The following SLC25A30 variants were observed in gnomAD, a reference collection of about 807,000 sequenced individuals.
The protein encoded by SLC25A30 is kidney mitochondrial carrier protein 1.
SLC25A30 carries 29 observed loss-of-function variants against 42.7 expected under a neutral mutation model. That is an observed-to-expected ratio of 0.68 (90% CI 0.51 to 0.93). The LOEUF is 0.93. Among genes scored for constraint, SLC25A30 ranks in the 40% least tolerant of loss-of-function variants. The pLI is 0.00. For missense variants in SLC25A30, 300 were observed against 359.7 expected (o/e 0.83, Z 1.34); for synonymous variants, 124 against 131.0 (o/e 0.95, Z 0.37).
intron 9 of SLC25A30, 53 bp from the exon 10 acceptor site, chr13:45,396,068 T>G (rs1881289021): frequency 1.2e-6 from 2 of 1,614,014 alleles, no homozygotes; most frequent in Non-Finnish European, 1.7e-6. Context: ...ACAACTCCAG[T>G]GCATAACAAC....
chr13:45,424,416 T>A, the SLC25A30 span, among the ~76,000 whole-genome samples: 4 of 60,830 alleles, frequency 6.6e-5, no homozygotes, highest in African/African-American at 2.6e-4. Context: ...AAAATATATA[T>A]AAATATATGA....
rs750163094 is a variant in SLC25A30 at position 45,394,993 on chromosome 13, T to G, written c.*981A>C. The G allele has an allele frequency of 4.5e-5, 44 of 985,294 alleles. No homozygotes were observed. Among genetic ancestry groups the G allele is most frequent in the Non-Finnish European group, 5.1e-5 (42 of 829,946 alleles). 61.0% of individuals were successfully genotyped at this position (985,294 alleles called of 1,614,324 possible). Reference sequence around the variant, plus strand: ...CAGTGTTCTTTCTTCAACAAGACCTTAACAAAGGGCTTCATTCACAATTAC... The same window carrying G: ...CAGTGTTCTTTCTTCAACAAGACCTGAACAAAGGGCTTCATTCACAATTAC... On this transcript the variant is annotated 3_prime_UTR_variant, in exon 10 of 10. Coordinates refer to ENST00000519676, the MANE Select transcript of SLC25A30 (RefSeq NM_001010875.4).
upstream of SLC25A30, among the ~76,000 whole-genome samples, chr13:45,423,064 G>C (rs1883928802): frequency 6.6e-6 from 1 of 152,048 alleles, no homozygotes; most frequent in Admixed American, 6.6e-5. Context: ...AAGCTCGTTG[G>C]GGTAGGGACC....
chr13:45,394,747 A>G lies in SLC25A30; in HGVS notation c.*1227T>C. 1 of 985,286 alleles carries G rather than the reference A, an allele frequency of 1.0e-6. No homozygotes were observed. Among genetic ancestry groups the G allele is most frequent in the Non-Finnish European group, 1.2e-6 (1 of 829,792 alleles). 61.0% of individuals were successfully genotyped at this position (985,286 alleles called of 1,614,324 possible). A position where few individuals can be genotyped will look rare whatever the true frequency, so the allele number is the denominator to read the frequency against. On this transcript the variant is annotated 3_prime_UTR_variant, in exon 10 of 10. Transcript: ENST00000519676. ...TATTGTGTCTACAGAAGGAAAGAAA[A>G]AGGGAAAATATTACATACCACCTAT...
chr13:45,427,560 A>G, the SLC25A30 span, among the ~76,000 whole-genome samples: 1 of 152,102 alleles, frequency 6.6e-6, no homozygotes, highest in Non-Finnish European at 1.5e-5. Flanking sequence ...CTTTCACTCA[A>G]GAAGAGGATA....
At chr13:45,397,377 T>A in intron 8 of SLC25A30, 39 bp from the exon 9 acceptor site, 1 of 1,432,998 alleles carries the variant, frequency 7.0e-7, no homozygotes, top group Non-Finnish European at 9.8e-7. Flanking sequence ...TCCAACTTTC[T>A]AATTATGCCA....
At chr13:45,423,739 T>A in the SLC25A30 span, among the ~76,000 whole-genome samples, 75 of 954 alleles carry the variant, frequency 0.079, 7 homozygotes, top group Admixed American at 0.11. Context: ...TAAATATATA[T>A]AAATATATAA....
chr13:45,426,635 A>G, the SLC25A30 span, among the ~76,000 whole-genome samples: 1,573 of 152,218 alleles, frequency 0.01, 37 homozygotes, highest in African/African-American at 0.035. Context: ...GGCACAGCCT[A>G]TAACAGCCAT....
chr13:45,427,767 A>T, the SLC25A30 span, among the ~76,000 whole-genome samples: 27 of 49,142 alleles, frequency 5.5e-4, no homozygotes, highest in African/African-American at 1.8e-3. Flanking sequence ...TCTTTTTGAG[A>T]CAGATCTCAT....
At chr13:45,426,200 C>G in the SLC25A30 span, among the ~76,000 whole-genome samples, 1 of 152,000 alleles carries the variant, frequency 6.6e-6, no homozygotes, top group Non-Finnish European at 1.5e-5. Context: ...AATTCTCCTG[C>G]CTCAGCCTCC....
At chr13:45,424,654 TAAATATATAG>T in the SLC25A30 span, among the ~76,000 whole-genome samples, 2 of 67,754 alleles carry the variant, frequency 3.0e-5, no homozygotes, top group East Asian at 3.6e-4. Flanking sequence ...TAAATATATA[TAAATATATAG>T]AAATATATAT....
intron 2 of SLC25A30, 89 bp downstream of exon 2, chr13:45,411,270 TTCA>T (rs1882998631): frequency 9.9e-7 from 1 of 1,012,760 alleles, no homozygotes; most frequent in Middle Eastern, 2.0e-4. Flanking sequence ...AGACAAACAT[TTCA>T]TCATCTCACA....
chr13:45,412,402 C>G (rs1566213052), intron 1 of SLC25A30, among the ~76,000 whole-genome samples: 1 of 152,164 alleles, frequency 6.6e-6, no homozygotes, highest in Admixed American at 6.6e-5. Flanking sequence ...CCACCACAGG[C>G]TACTTGTAGT....
the SLC25A30 span, among the ~76,000 whole-genome samples, chr13:45,426,701 C>T: frequency 5.9e-5 from 9 of 152,088 alleles, no homozygotes; most frequent in South Asian, 2.1e-4. Flanking sequence ...ACAGCCTTAG[C>T]GGACACTCTT....
chr13:45,426,522 C>T, the SLC25A30 span, among the ~76,000 whole-genome samples: 31 of 152,286 alleles, frequency 2.0e-4, no homozygotes, highest in African/African-American at 6.3e-4. Context: ...CTGATCCCTA[C>T]GTGAACCTTT....
At chr13:45,402,443 GAC>G in intron 5 of SLC25A30, 73 bp from the exon 6 acceptor site, 4 of 1,192,836 alleles carry the variant, frequency 3.4e-6, no homozygotes, top group Non-Finnish European at 3.7e-6. Context: ...GTATACCTCT[GAC>G]AGTCAGTCCG....
Position 45,405,883 on chromosome 13 carries a change from C to G in SLC25A30, c.307G>C (p.Asp103His). Residue 103 changes from aspartate (D) to histidine (H), a missense_variant and splice_region_variant, in exon 4 of 10, where the codon GAT becomes CAT. Asp to His is a moderately conservative substitution (Grantham distance 81). Coordinates refer to ENST00000519676, the MANE Select transcript of SLC25A30 (RefSeq NM_001010875.4). The stretch of plus-strand genomic sequence containing the variant: ...AGTGGAAAACAGATTCCCCACTCAC[C>G]TTCTGGGCGTTCAATGAATAGTCGC... ...LKRLFIERPE[D>H]ETLPINVICG... 6 of 1,614,080 alleles carry G rather than the reference C, an allele frequency of 3.7e-6. No homozygotes were observed. Among genetic ancestry groups the G allele is most frequent in the Non-Finnish European group, 5.1e-6 (6 of 1,179,934 alleles).
chr13:45,402,059 C>CAAAA (rs66565783), intron 6 of SLC25A30, among the ~76,000 whole-genome samples: 18 of 83,838 alleles, frequency 2.1e-4, no homozygotes, highest in Admixed American at 4.6e-4. Context: ...GACTCCATCT[C>CAAAA]AAAAAAAAAA....
the SLC25A30 span, among the ~76,000 whole-genome samples, chr13:45,424,935 TATTTAAATAAATATATAAATAA>T: frequency 3.2e-5 from 2 of 61,606 alleles, no homozygotes; most frequent in East Asian, 4.0e-4. Context: ...AATATATAAA[TATTTAAATAAATATATAAATAA>T]ATATATAAAT....
Sources: gnomAD v4.1 joint callset for allele counts (sites outside exome capture counted in the v4.1 genomes callset) on GRCh38, gnomAD v4.1.1 for gene constraint, MANE v1.5 for transcripts, NCBI Gene and HGNC (gene_info 2026-07-23, HGNC 2026-07-21) for gene names.